PAN3: variants seen among roughly 807,000 people sequenced by gnomAD.
The protein encoded by PAN3 is PAN2-PAN3 deadenylation complex subunit PAN3.
Under a neutral mutation model 96.2 loss-of-function variants are expected in PAN3, and 19 were observed. The ratio of observed to expected loss-of-function variants is 0.20; its 90% confidence interval spans 0.14 to 0.29. The LOEUF (loss-of-function observed/expected upper bound fraction) is 0.29, where lower values mean the gene tolerates loss of function less well. Among genes scored for constraint, PAN3 ranks in the 10% least tolerant of loss-of-function variants. The probability of loss-of-function intolerance (pLI) is 1.00; values close to 1 mark genes in which losing one functional copy is unlikely to be tolerated. For synonymous variants in PAN3, 433 were observed against 406.6 expected (o/e 1.06, Z -0.78); for missense variants, 882 against 1,108.1 (o/e 0.80, Z 2.90).
intron 5 of PAN3, among the ~76,000 whole-genome samples, chr13:28,217,071 G>A (rs957686048): frequency 6.0e-5 from 9 of 150,492 alleles, no homozygotes; most frequent in Non-Finnish European, 8.9e-5. Flanking sequence ...CCGAGATCAC[G>A]CCACTGTACT....
At chr13:28,277,432 C>T in intron 15 of PAN3, 56 bp downstream of exon 15, 1 of 1,528,394 alleles carries the variant, frequency 6.5e-7, no homozygotes, top group Non-Finnish European at 8.8e-7. Flanking sequence ...TAAGACAGAG[C>T]TTTTTTTGTT....
intron 15 of PAN3, among the ~76,000 whole-genome samples, chr13:28,277,686 C>G (rs182434665): frequency 1.6e-4 from 24 of 152,322 alleles, no homozygotes; most frequent in Non-Finnish European, 3.4e-4. Flanking sequence ...TTCAATTACA[C>G]TAGTCACATT....
chr13:28,247,973 G>T (rs1033231324), intron 6 of PAN3, among the ~76,000 whole-genome samples: 13 of 152,078 alleles, frequency 8.5e-5, no homozygotes, highest in African/African-American at 3.1e-4. Flanking sequence ...TTGATATTTT[G>T]ATAGACTGTG....
At chr13:28,148,283 G>GTA (rs1349087888) in intron 1 of PAN3, among the ~76,000 whole-genome samples, 2 of 151,784 alleles carry the variant, frequency 1.3e-5, no homozygotes, top group African/African-American at 2.4e-5. Flanking sequence ...GTGTGTGTTT[G>GTA]TATATATATA....
chr13:28,281,712 G>A (rs1286928391), intron 17 of PAN3, among the ~76,000 whole-genome samples: 1 of 151,212 alleles, frequency 6.6e-6, no homozygotes, highest in African/African-American at 2.4e-5. Flanking sequence ...GGTCAGTTTA[G>A]AGACTTGAGA....
At chr13:28,147,295 G>A (rs1425341601) in intron 1 of PAN3, among the ~76,000 whole-genome samples, 1 of 152,188 alleles carries the variant, frequency 6.6e-6, no homozygotes, top group Non-Finnish European at 1.5e-5. Context: ...CCATCCATAA[G>A]TCTAAGGAAT....
At chr13:28,283,884 C>T (rs1373230247) in intron 17 of PAN3, among the ~76,000 whole-genome samples, 1 of 152,190 alleles carries the variant, frequency 6.6e-6, no homozygotes, top group Non-Finnish European at 1.5e-5. Flanking sequence ...TGTGTCTCCT[C>T]ATACTTTAAT....
At chr13:28,243,933 T>C (rs1883927401) in intron 6 of PAN3, among the ~76,000 whole-genome samples, 1 of 152,074 alleles carries the variant, frequency 6.6e-6, no homozygotes. Context: ...TGATCCACCT[T>C]CCTCGGCCTC....
chr13:28,239,435 A>G, intron 6 of PAN3: 2 of 349,982 alleles, frequency 5.7e-6, no homozygotes, highest in South Asian at 4.5e-5. Context: ...TGACATATAG[A>G]TGCCTTTGGT....
At chr13:28,162,062 T>C (rs1872942866) in intron 1 of PAN3, among the ~76,000 whole-genome samples, 1 of 152,160 alleles carries the variant, frequency 6.6e-6, no homozygotes, top group Non-Finnish European at 1.5e-5. Flanking sequence ...TTTTTGCAAA[T>C]AAATAAGTAG....
At position 28,202,933 on chromosome 13, in the gene PAN3, C is replaced by T. The variant is rs141984051; in HGVS notation, c.852+5587C>T. Among the ~76,000 whole-genome samples the T allele has an allele frequency of 6.8e-3, 1,042 of 152,136 alleles. 10 individuals carry two copies. Among genetic ancestry groups the T allele is most frequent in the African/African-American group, 0.024 (1,007 of 41,510 alleles). On this transcript the variant is annotated intron_variant, in intron 5 of 18. Coordinates refer to ENST00000380958, the MANE Select transcript of PAN3 (RefSeq NM_175854.8). ...CCAGTATTTTACTTGTTTTTAAATG[C>T]TACTGTTTAATTTTTTTCTTTCTTT...
At position 28,177,878 on chromosome 13, in the gene PAN3, A is replaced by G. The variant is rs779042627; in HGVS notation, c.633A>G (p.Ser211=). 7 of 1,612,944 alleles carry G rather than the reference A, an allele frequency of 4.3e-6. No homozygotes were observed. The South Asian group carries it at 7.7e-5, about 18-fold the overall frequency. ...CTTACCTTTCAGATCCTCTAACATC[A>G]CCTGCTTCATCCTTGTTTAATGACT... ...KPYSAHDPLT[S]PASSLFNDFG... is the part of the protein sequence containing the mutation. The change falls in exon 4 of 19, where the codon TCA becomes TCG. Residue 211 remains serine (S), a synonymous_variant. Coordinates refer to ENST00000380958, the MANE Select transcript of PAN3 (RefSeq NM_175854.8).
intron 7 of PAN3, among the ~76,000 whole-genome samples, chr13:28,257,718 T>TAAA (rs1566234938): frequency 5.8e-5 from 8 of 138,988 alleles, no homozygotes; most frequent in Non-Finnish European, 9.2e-5. Flanking sequence ...TTATATATAA[T>TAAA]TAATATATAT....
intron 4 of PAN3, among the ~76,000 whole-genome samples, chr13:28,188,149 C>T (rs150472090): frequency 2.0e-3 from 298 of 152,294 alleles, no homozygotes; most frequent in Admixed American, 3.1e-3. Context: ...ACAGCATCAA[C>T]TCAGCAGCCT....
chr13:28,246,913 ATTTCT>A (rs931431115), intron 6 of PAN3, among the ~76,000 whole-genome samples: 3 of 152,158 alleles, frequency 2.0e-5, no homozygotes, highest in African/African-American at 4.8e-5. Flanking sequence ...CTACATACTG[ATTTCT>A]TTTCTTTGTA....
chr13:28,174,454 A>G, intron 2 of PAN3, 61 bp downstream of exon 2: 3 of 1,534,724 alleles, frequency 2.0e-6, no homozygotes, highest in South Asian at 2.4e-5. Context: ...GAGGACATAT[A>G]GAGTCTTCAT....
intron 6 of PAN3, among the ~76,000 whole-genome samples, chr13:28,227,534 G>C (rs1280558468): frequency 6.6e-6 from 1 of 152,132 alleles, no homozygotes; most frequent in African/African-American, 2.4e-5. Context: ...CATGGTACCA[G>C]TTCTACTGAA....
chr13:28,212,519 C>A (rs544364745), intron 5 of PAN3, among the ~76,000 whole-genome samples: 2 of 152,230 alleles, frequency 1.3e-5, no homozygotes, highest in South Asian at 4.1e-4. Flanking sequence ...AAAATGTAAT[C>A]ATTCAAAACT....
intron 17 of PAN3, among the ~76,000 whole-genome samples, chr13:28,282,980 G>T (rs1362580466): frequency 6.6e-6 from 1 of 151,880 alleles, no homozygotes; most frequent in African/African-American, 2.4e-5. Context: ...TTTGAAAATG[G>T]CATTATTCTA....
Sources: gnomAD v4.1 joint callset for allele counts (sites outside exome capture counted in the v4.1 genomes callset) on GRCh38, gnomAD v4.1.1 for gene constraint, MANE v1.5 for transcripts, NCBI Gene and HGNC (gene_info 2026-07-23, HGNC 2026-07-21) for gene names.